Variants in PSIP1 observed in about 807,000 individuals in gnomAD.
PSIP1 encodes the protein PC4 and SFRS1-interacting protein.
A neutral mutation model predicts 74.7 loss-of-function variants in PSIP1; 19 were observed. That is an observed-to-expected ratio of 0.25 (90% CI 0.18 to 0.37). The LOEUF is 0.37. Ranked by LOEUF, PSIP1 falls within the 10% of genes least tolerant of loss-of-function variation. PSIP1 has a pLI of 1.00. For synonymous variants in PSIP1, 222 were observed against 195.3 expected, an observed-to-expected ratio of 1.14 and a Z score of -1.14; for missense variants, 601 against 614.3, an observed-to-expected ratio of 0.98 and a Z score of 0.23.
intron 8 of PSIP1, among the ~76,000 whole-genome samples, chr9:15,477,177 A>G (rs989772393): frequency 2.6e-5 from 4 of 152,162 alleles, no homozygotes; most frequent in African/African-American, 9.7e-5. Flanking sequence ...TTTCACTATA[A>G]TAGTTAAAGT....
At chr9:15,500,937 A>G (rs187585441) in intron 3 of PSIP1, among the ~76,000 whole-genome samples, 1,828 of 152,338 alleles carry the variant, frequency 0.012, 38 homozygotes, top group African/African-American at 0.043. Flanking sequence ...AGTCTTGGAA[A>G]AATGGGTAAA....
chr9:15,490,649 C>CTCCA (rs1328707633), intron 3 of PSIP1, among the ~76,000 whole-genome samples: 2 of 140,060 alleles, frequency 1.4e-5, no homozygotes, highest in African/African-American at 5.5e-5. Context: ...CGCCACTGCA[C>CTCCA]TCCAGCCTGG....
intron 5 of PSIP1, among the ~76,000 whole-genome samples, chr9:15,486,559 T>A (rs2036563033): frequency 6.6e-6 from 1 of 152,144 alleles, no homozygotes; most frequent in Admixed American, 6.5e-5. Flanking sequence ...TTAAAAAAAA[T>A]CCTTAACACT....
chr9:15,504,299 C>T (rs137992528), intron 3 of PSIP1, among the ~76,000 whole-genome samples: 212 of 152,228 alleles, frequency 1.4e-3, no homozygotes, highest in African/African-American at 4.9e-3. Context: ...ATTAACCAAA[C>T]AACAGTTTAG....
intron 3 of PSIP1, among the ~76,000 whole-genome samples, chr9:15,502,151 C>T (rs1293277128): frequency 6.6e-6 from 1 of 152,086 alleles, no homozygotes; most frequent in African/African-American, 2.4e-5. Flanking sequence ...AAAACCATCC[C>T]CCCAAACCCC....
chr9:15,468,162 G>GT (rs1430735485), intron 14 of PSIP1, among the ~76,000 whole-genome samples: 2 of 150,962 alleles, frequency 1.3e-5, no homozygotes, highest in African/African-American at 4.9e-5. Context: ...TTAATACTGT[G>GT]AAGTCTGTTC....
chr9:15,472,467 G>T (rs146109511), intron 10 of PSIP1, 165 bp downstream of exon 10: 2 of 1,395,208 alleles, frequency 1.4e-6, no homozygotes, highest in Non-Finnish European at 1.8e-6. Flanking sequence ...AGAGAATGAA[G>T]CCTGAAATAA....
chr9:15,486,925 T>C lies in PSIP1; in HGVS notation c.295A>G (p.Thr99Ala), dbSNP rs745747928. The stretch of plus-strand genomic sequence containing the variant: ...TCAGATGATGCATTTGATTGTTTAG[T>C]TGCTGCCTGTGAGCAATCAACTCTA... The part of the protein sequence containing the change: ...KVKFSSQQAA[T>A]KQSNASSDVE... The change falls in exon 5 of 16, where the codon ACT becomes GCT. Residue 99 changes from threonine to alanine, a missense_variant. Physicochemically the swap from Thr to Ala is moderately conservative, Grantham distance 58. Coordinates refer to ENST00000380733, the MANE Select transcript of PSIP1 (RefSeq NM_033222.5). 19 of 1,603,658 alleles carry C rather than the reference T, an allele frequency of 1.2e-5. No individual in the cohort carries two copies. In the Middle Eastern group the frequency reaches 8.4e-4, roughly 71 times the overall value.
intron 10 of PSIP1, chr9:15,472,408 C>A: frequency 7.5e-7 from 1 of 1,341,018 alleles, no homozygotes; most frequent in South Asian, 2.0e-5. Flanking sequence ...CGTTTAAATT[C>A]AAAAATAATT....
At chr9:15,467,950 G>A (rs1587451491) in intron 14 of PSIP1, among the ~76,000 whole-genome samples, 2 of 150,924 alleles carry the variant, frequency 1.3e-5, no homozygotes, top group African/African-American at 2.5e-5. Flanking sequence ...GAGAAACCCC[G>A]TGCCTACTAA....
chr9:15,466,920 T>C, intron 14 of PSIP1, 61 bp from the exon 15 acceptor site: 1 of 1,256,732 alleles, frequency 8.0e-7, no homozygotes, highest in Non-Finnish European at 1.1e-6. Flanking sequence ...ATTGAAGGTG[T>C]CCACTAAAGA....
intron 3 of PSIP1, among the ~76,000 whole-genome samples, chr9:15,494,540 G>A (rs902739997): frequency 8.0e-6 from 1 of 125,638 alleles, no homozygotes; most frequent in Non-Finnish European, 1.6e-5. Context: ...ACTCCAGCCT[G>A]GGCAACAAGA....
At chr9:15,465,670 C>A (rs764854679) in intron 15 of PSIP1, 90 bp from the exon 16 acceptor site, 2 of 1,128,152 alleles carry the variant, frequency 1.8e-6, no homozygotes, top group Non-Finnish European at 2.5e-6. Flanking sequence ...TATTTTTAAA[C>A]CCATGAAAAG....
chr9:15,508,645 G>C (rs555657819), intron 2 of PSIP1, among the ~76,000 whole-genome samples: 2 of 152,180 alleles, frequency 1.3e-5, no homozygotes, highest in South Asian at 4.2e-4. Context: ...AATAAACAAG[G>C]ATACCTCGAA....
At chr9:15,492,909 C>G (rs1184446713) in intron 3 of PSIP1, among the ~76,000 whole-genome samples, 2 of 152,184 alleles carry the variant, frequency 1.3e-5, no homozygotes, top group Admixed American at 6.5e-5. Flanking sequence ...CACAGGGCAC[C>G]AAGTCCCAAC....
chr9:15,477,248 G>C (rs1161792901), intron 8 of PSIP1, among the ~76,000 whole-genome samples: 2 of 152,010 alleles, frequency 1.3e-5, no homozygotes, highest in African/African-American at 2.4e-5. Flanking sequence ...ATGTGTTTAT[G>C]GTGTGCAACA....
At position 15,498,347 on chromosome 9, in the gene PSIP1, C is replaced by T. The variant is rs148711738; in HGVS notation, c.149+8214G>A. Among the ~76,000 whole-genome samples, 286 of 152,166 alleles carry T rather than the reference C, an allele frequency of 1.9e-3. 1 individual carries two copies. The highest frequency in any genetic ancestry group is 3.2e-3 in the Non-Finnish European group (220 of 68,006). On this transcript the variant is annotated intron_variant, in intron 3 of 15. Coordinates refer to ENST00000380733, the MANE Select transcript of PSIP1 (RefSeq NM_033222.5). ...AGGAGAATCGCCTGAATTCGGGAGG[C>T]GGAGATTGCAGTGAGACAAGATCGT...
rs141196278 is a variant in PSIP1 at position 15,465,545 on chromosome 9, A to T, written c.1568T>A (p.Leu523Gln). 6 of 1,583,928 alleles carry T rather than the reference A, an allele frequency of 3.8e-6. No homozygotes were observed. In the African/African-American group the frequency reaches 5.4e-5, roughly 14 times the overall value. ...SSEERETEIS[L>Q]KDSTLDN ...CTAGTTATCTAGTGTAGAATCCTTC[A>T]GAGATATTTCAGTCTCTCTCTCTTC... Residue 523 changes from leucine (L) to glutamine (Q), a missense_variant, in exon 16 of 16, where the codon CTG becomes CAG. Coordinates refer to ENST00000380733, the MANE Select transcript of PSIP1 (RefSeq NM_033222.5).
chr9:15,504,186 T>C (rs1028968119), intron 3 of PSIP1, among the ~76,000 whole-genome samples: 1 of 152,352 alleles, frequency 6.6e-6, no homozygotes, highest in South Asian at 2.1e-4. Context: ...AAATTCAGTA[T>C]TGTCAGCTTA....
Sources: gnomAD v4.1 joint callset for allele counts (sites outside exome capture counted in the v4.1 genomes callset) on GRCh38, gnomAD v4.1.1 for gene constraint, MANE v1.5 for transcripts, NCBI Gene and HGNC (gene_info 2026-07-23, HGNC 2026-07-21) for gene names.